SIRT3: variants seen among roughly 807,000 people sequenced by gnomAD.
SIRT3 encodes sirtuin 3.
Under a neutral mutation model 33.5 loss-of-function variants are expected in SIRT3, and 26 were observed. The ratio of observed to expected loss-of-function variants is 0.78; its 90% CI spans 0.57 to 1.08. The LOEUF (loss-of-function observed/expected upper bound fraction) is 1.08, where lower values mean the gene tolerates loss of function less well. Ranked by LOEUF, SIRT3 falls within the 50% of genes least tolerant of loss-of-function variation. The pLI, the probability that SIRT3 is intolerant of heterozygous loss-of-function variation, is 0.00. For synonymous variants in SIRT3, 237 were observed against 222.1 expected (o/e 1.07, Z -0.60); for missense variants, 585 against 530.1 (o/e 1.10, Z -1.02).
intron 6 of SIRT3, among the ~76,000 whole-genome samples, chr11:217,351 G>T (rs1013660311): frequency 1.3e-5 from 2 of 152,252 alleles, no homozygotes; most frequent in Admixed American, 6.5e-5. Context: ...TCAGGAGGCT[G>T]AGGCAGGAGA....
At chr11:236,374 C>CGCCCCGCCCGCGGA (rs1179530969), upstream of SIRT3, 2 of 1,178,882 alleles carry the variant, frequency 1.7e-6, no homozygotes, top group South Asian at 4.1e-5. Context: ...CCGCCCCCGG[C>CGCCCCGCCCGCGGA]GCCCCGGCCC....
chr11:225,629 G>T (rs753045192), intron 4 of SIRT3: 1 of 151,994 alleles, frequency 6.6e-6, no homozygotes, highest in Non-Finnish European at 1.5e-5. Flanking sequence ...CCTTATAACA[G>T]AATACAATAT....
intron 1 of SIRT3, chr11:233,738 A>C (rs965382301): frequency 1.8e-6 from 1 of 568,662 alleles, no homozygotes; most frequent in African/African-American, 2.0e-5. Flanking sequence ...ATCAAGACTT[A>C]CTTGGGAGCA....
intron 4 of SIRT3, among the ~76,000 whole-genome samples, chr11:224,685 T>C (rs1431773157): frequency 1.3e-5 from 2 of 152,198 alleles, no homozygotes; most frequent in Non-Finnish European, 2.9e-5. Context: ...TCGGTGATCA[T>C]GCCATTGCCT....
chr11:236,533 G>A (rs567961164), upstream of SIRT3: 866 of 169,568 alleles, frequency 5.1e-3, 4 homozygotes, highest in Non-Finnish European at 7.1e-3. Flanking sequence ...GAGGCGAGTA[G>A]AGGAAGTTCC....
Position 233,164 on chromosome 11 carries a change from G to A in SIRT3, c.525C>T (p.Tyr175=). ...YSNLQQYDLP[Y]PEAIFELPFF... is the part of the protein sequence containing the mutation. ...ATGGGAGTTCAAAAATGGCCTCGGG[G>A]TACGGGAGATCGTACTGCTGGAGGT... is the stretch of plus-strand genomic sequence containing the variant. Residue 175 remains tyrosine, a synonymous_variant, in exon 3 of 7, where the codon TAC becomes TAT. Coordinates refer to ENST00000382743, the MANE Select transcript of SIRT3 (RefSeq NM_012239.6). The A allele has an allele frequency of 6.2e-7, 1 of 1,614,180 alleles. No homozygotes were observed. Among genetic ancestry groups the A allele is most frequent in the Non-Finnish European group, 8.5e-7 (1 of 1,180,028 alleles).
At chr11:219,957 T>C (rs1002995143) in intron 5 of SIRT3, among the ~76,000 whole-genome samples, 1 of 152,180 alleles carries the variant, frequency 6.6e-6, no homozygotes, top group Non-Finnish European at 1.5e-5. Context: ...CATATGACAA[T>C]AGTTTATATT....
upstream of SIRT3, chr11:236,410 C>T (rs1859158907): frequency 1.0e-6 from 1 of 991,164 alleles, no homozygotes; most frequent in Non-Finnish European, 1.2e-6. Context: ...CCCCCGCCCC[C>T]GGCGCCCCAG....
At chr11:236,832 A>C, upstream of SIRT3, 1 of 585,072 alleles carries the variant, frequency 1.7e-6, no homozygotes, top group South Asian at 2.0e-5. Context: ...GGCACAGCCA[A>C]GTGCGCGGGA....
chr11:234,623 G>A (rs866205214), intron 1 of SIRT3, among the ~76,000 whole-genome samples: 1 of 152,224 alleles, frequency 6.6e-6, no homozygotes, highest in South Asian at 2.1e-4. Flanking sequence ...CACTGTGTTA[G>A]CCAGGATGGT....
At chr11:221,785 A>C (rs927205922) in intron 5 of SIRT3, among the ~76,000 whole-genome samples, 5 of 152,224 alleles carry the variant, frequency 3.3e-5, no homozygotes, top group African/African-American at 2.4e-5. Context: ...ACAACGCAGC[A>C]CATCTCCATG....
At chr11:235,125 C>A (rs1194613174) in intron 1 of SIRT3, among the ~76,000 whole-genome samples, 2 of 151,994 alleles carry the variant, frequency 1.3e-5, no homozygotes, top group African/African-American at 4.8e-5. Flanking sequence ...ATCCACCCGT[C>A]TCATCCTCCC....
At chr11:236,370 C>CCGGCGCCCCGCCCG (rs1554894215), upstream of SIRT3, 853,257 of 1,173,396 alleles carry the variant, frequency 0.73, 313,067 homozygotes, top group East Asian at 0.8. Flanking sequence ...CGCCCCGCCC[C>CCGGCGCCCCGCCCG]CGGCGCCCCG....
chr11:224,353 G>A, intron 4 of SIRT3, 114 bp from the exon 5 acceptor site: 1 of 1,172,486 alleles, frequency 8.5e-7, no homozygotes. Context: ...AGGTGAGAGA[G>A]GGATCATGAA....
At chr11:228,115 A>G (rs1857416582) in intron 4 of SIRT3, among the ~76,000 whole-genome samples, 1 of 152,088 alleles carries the variant, frequency 6.6e-6, no homozygotes, top group African/African-American at 2.4e-5. Flanking sequence ...TTCCCAGCCT[A>G]CTCTGTTCCT....
chr11:216,563 G>T lies in SIRT3; in HGVS notation c.*135C>A. ...CATGGCCTGAGAAGACATTCCAGTG[G>T]CAGCCTCGGGTGTCCACTCAGTTCA... On this transcript the variant is annotated 3_prime_UTR_variant, in exon 7 of 7. Coordinates refer to ENST00000382743, the MANE Select transcript of SIRT3 (RefSeq NM_012239.6). 1.1e-6 allele frequency: 1 copy of T among 942,958 alleles called. No homozygotes were observed. The highest frequency in any genetic ancestry group is 1.7e-6 in the Non-Finnish European group (1 of 591,858). The allele number at this position is 942,958 out of a possible 1,614,324, so 58.4% of individuals were successfully genotyped here. A position where few individuals can be genotyped will look rare whatever the true frequency, so the allele number is the denominator to read the frequency against.
chr11:217,647 G>A (rs1855839667), intron 6 of SIRT3, among the ~76,000 whole-genome samples: 1 of 152,252 alleles, frequency 6.6e-6, no homozygotes, highest in Non-Finnish European at 1.5e-5. Flanking sequence ...GCAACCAGAG[G>A]TTGGAGGTCT....
Position 223,421 on chromosome 11 carries a change from G to T in SIRT3, c.969+657C>A. ...TCCCCCTCCTCGCCATCCCTCAGGCGACCACAGCTCCACCTTCTCCAGGAC... is the reference window on the plus strand; with the variant it reads ...TCCCCCTCCTCGCCATCCCTCAGGCTACCACAGCTCCACCTTCTCCAGGAC... On this transcript the variant is annotated intron_variant, in intron 5 of 6. Transcript: ENST00000382743. The surrounding 1 kb of genome is among the most constrained non-coding windows in gnomAD (Gnocchi z 4.8). 4.3e-6 allele frequency: 1 copy of T among 234,454 alleles called. No individual in the cohort carries two copies. Among genetic ancestry groups the T allele is most frequent in the Non-Finnish European group, 8.6e-6 (1 of 115,638 alleles). The allele number at this position is 234,454 out of a possible 1,614,324, so 14.5% of individuals were successfully genotyped here.
chr11:219,095 G>A, intron 5 of SIRT3, 54 bp from the exon 6 acceptor site: 1 of 1,536,340 alleles, frequency 6.5e-7, no homozygotes, highest in East Asian at 2.4e-5. Flanking sequence ...AAGCTCCTCA[G>A]GATGTTTCAT....
Sources: gnomAD v4.1 joint callset for allele counts (sites outside exome capture counted in the v4.1 genomes callset) on GRCh38, gnomAD v4.1.1 for gene constraint, Gnocchi (gnomAD v3.1) non-coding constraint, MANE v1.5 for transcripts, NCBI Gene and HGNC (gene_info 2026-07-23, HGNC 2026-07-21) for gene names.